The following TTC38 variants were observed in gnomAD, a reference collection of about 807,000 sequenced individuals.
TTC38 encodes the protein tetratricopeptide repeat protein 38.
Under a neutral mutation model 64.2 loss-of-function variants are expected in TTC38, and 64 were observed. The observed-to-expected ratio is 1.00, with a 90% CI of 0.81 to 1.23. The LOEUF (loss-of-function observed/expected upper bound fraction) is 1.23, where lower values mean the gene tolerates loss of function less well. Among genes scored for constraint, TTC38 ranks in the 50% most tolerant of loss-of-function variants. The pLI is 0.00. For synonymous variants in TTC38, 254 were observed against 249.3 expected, an observed-to-expected ratio of 1.02 and a Z score of -0.18; for missense variants, 573 against 615.5, an observed-to-expected ratio of 0.93 and a Z score of 0.73.
intron 1 of TTC38, 48 bp downstream of exon 1, chr22:46,268,120 T>G (rs774501552): frequency 6.6e-7 from 1 of 1,518,820 alleles, no homozygotes; most frequent in Middle Eastern, 1.9e-4. Flanking sequence ...CCCCGGGTCC[T>G]GGGGGTGGCC....
rs200525894 is a variant in TTC38 at position 46,289,839 on chromosome 22, A to G, written c.1256A>G (p.Asn419Ser). 526 of 1,614,190 alleles carry G rather than the reference A, an allele frequency of 3.3e-4. No individual in the cohort carries two copies. Among genetic ancestry groups the G allele is most frequent in the Non-Finnish European group, 3.1e-4 (371 of 1,180,026 alleles). ...TTGACATTTCAGAGAGACGTCTTCA[A>G]CCAGCTGCTGATTCACGCGGCCTTA... ...GGSNAQRDVF[N>S]QLLIHAALNC... Residue 419 changes from asparagine (N) to serine (S), a missense_variant, in exon 13 of 14, where the codon AAC (asparagine) becomes AGC (serine). Transcript: ENST00000381031.
Position 46,285,280 on chromosome 22 carries a change from G to C in TTC38, c.834+1G>C, listed in dbSNP as rs779880543. ...CGCGCTGACCATCTACGATACCCAC[G>C]TAAGTTGCATTCACACCGTGTTTGG... On this transcript the variant is annotated splice_donor_variant, in intron 9 of 13. Coordinates refer to ENST00000381031, the MANE Select transcript of TTC38 (RefSeq NM_017931.4). LOFTEE classifies it high-confidence loss of function. 6.2e-7 allele frequency: 1 copy of C among 1,614,124 alleles called. No homozygotes were observed. The highest frequency in any genetic ancestry group is 8.5e-7 in the Non-Finnish European group (1 of 1,179,956).
chr22:46,273,503 C>T lies in TTC38; in HGVS notation c.194-395C>T, dbSNP rs900909968. 2.6e-5 allele frequency among the ~76,000 whole-genome samples: 4 copies of T among 152,210 alleles called. No homozygotes were observed. Among genetic ancestry groups the T allele is most frequent in the Admixed American group, 6.5e-5 (1 of 15,290 alleles). On this transcript the variant is annotated intron_variant, in intron 3 of 13. Transcript: ENST00000381031. The surrounding 1 kb of genome is among the most constrained non-coding windows in gnomAD (Gnocchi z 5.1). The stretch of plus-strand genomic sequence containing the variant: ...AGATGGGATCATGACTTCTGTGCTC[C>T]GGGGCCTCCTTGGTCCAGCCCCTTA...
Position 46,289,540 on chromosome 22 carries a change from G to C in TTC38, c.1221G>C (p.Gln407His), listed in dbSNP as rs376502778. The part of the protein sequence containing the change: ...LLLPIRYRIV[Q>H]LGGSNAQRDV... ...TGCCCATCCGCTACCGGATCGTCCA[G>C]CTCGGTGGGAGCAATGCCCAGGTGA... Residue 407 changes from glutamine (Q) to histidine (H), a missense_variant, in exon 12 of 14, where the codon CAG becomes CAC. Around this residue, in one of 3 missense-constraint regions of TTC38, gnomAD observed 371 missense variants for 381.8 expected, o/e 0.97. Coordinates refer to ENST00000381031, the MANE Select transcript of TTC38 (RefSeq NM_017931.4). 17 of 1,596,114 alleles carry C rather than the reference G, an allele frequency of 1.1e-5. No homozygotes were observed. The highest frequency in any genetic ancestry group is 1.4e-5 in the Non-Finnish European group (17 of 1,172,768).
intron 9 of TTC38, among the ~76,000 whole-genome samples, chr22:46,286,599 T>C (rs1388555950): frequency 1.3e-5 from 2 of 150,710 alleles, no homozygotes; most frequent in Non-Finnish European, 3.0e-5. Flanking sequence ...AGGCGGAGGT[T>C]GCAGTTAGCC....
rs2077597859 is a variant in TTC38 at position 46,289,552 on chromosome 22, C to A, written c.1233C>A (p.Ser411Arg). The stretch of plus-strand genomic sequence containing the variant: ...ACCGGATCGTCCAGCTCGGTGGGAG[C>A]AATGCCCAGGTGAGCCGATGGCCGC... ...IRYRIVQLGG[S>R]NAQRDVFNQL... The change falls in exon 12 of 14, where the codon AGC becomes AGA. Residue 411 changes from serine (S) to arginine (R), a missense_variant. Physicochemically the swap from Ser to Arg is moderately radical, Grantham distance 110. Coordinates refer to ENST00000381031, the MANE Select transcript of TTC38 (RefSeq NM_017931.4). The A allele has an allele frequency of 6.3e-7, 1 of 1,587,856 alleles. No homozygotes were observed. Among genetic ancestry groups the A allele is most frequent in the African/African-American group, 1.3e-5 (1 of 74,658 alleles).
In TTC38 at chr22:46,276,802, A is replaced by G. The variant is rs926461306; in HGVS notation, c.539+1381A>G. Among the ~76,000 whole-genome samples, 3 of 140,624 alleles carry G rather than the reference A, an allele frequency of 2.1e-5. No individual in the cohort carries two copies. The highest frequency in any genetic ancestry group is 2.1e-4 in the South Asian group (1 of 4,740). 92.3% of individuals were successfully genotyped at this position (140,624 alleles called of 152,430 possible). A position where few individuals can be genotyped will look rare whatever the true frequency, so the allele number is the denominator to read the frequency against. ...TATATTAAAATATATATTAAAAATTATATATTAAAATATATATATTAAATA... is the reference window on the plus strand; with the variant it reads ...TATATTAAAATATATATTAAAAATTGTATATTAAAATATATATATTAAATA... On this transcript the variant is annotated intron_variant, in intron 5 of 13. Coordinates refer to ENST00000381031, the MANE Select transcript of TTC38 (RefSeq NM_017931.4). This position sits in a 1 kb window ranked among gnomAD's most constrained non-coding sequence, Gnocchi z 4.7.
chr22:46,289,462 G>C lies in TTC38; in HGVS notation c.1143G>C (p.Gln381His). The change falls in exon 12 of 14, where the codon CAG (glutamine) becomes CAC (histidine). Residue 381 changes from glutamine to histidine, a missense_variant. This residue lies in a region of TTC38 where 371 missense variants were observed against 381.8 expected (regional missense o/e 0.97). Transcript: ENST00000381031. ...GAGACGTGGGGCTGCCCCTGTGCCA[G>C]GCCCTGGTGGAGGCTGAGGACGGGA... ...LARDVGLPLCQALVEAEDGNP... is the reference protein window; with the variant it reads ...LARDVGLPLCHALVEAEDGNP... 1 of 1,609,708 alleles carries C rather than the reference G, an allele frequency of 6.2e-7. No individual in the cohort carries two copies. The highest frequency in any genetic ancestry group is 8.5e-7 in the Non-Finnish European group (1 of 1,179,800).
intron 8 of TTC38, 38 bp from the exon 9 acceptor site, chr22:46,285,203 T>C: frequency 6.2e-7 from 1 of 1,609,406 alleles, no homozygotes; most frequent in Non-Finnish European, 8.5e-7. Flanking sequence ...ACACTTTGCC[T>C]TCTCCAGGGT....
intron 6 of TTC38, among the ~76,000 whole-genome samples, chr22:46,278,975 G>A (rs1185737171): frequency 6.6e-6 from 1 of 152,248 alleles, no homozygotes; most frequent in African/African-American, 2.4e-5. Context: ...AGAATGGCAG[G>A]TCTGGGCTCC....
chr22:46,283,777 G>A (rs970379089), intron 7 of TTC38, among the ~76,000 whole-genome samples, 196 bp from the exon 8 acceptor site: 1 of 149,622 alleles, frequency 6.7e-6, no homozygotes, highest in Admixed American at 6.7e-5. Flanking sequence ...GCTTGAACCC[G>A]GGAGGCAGAG....
At chr22:46,290,547 G>GGTGAGA (rs567591961) in intron 13 of TTC38, among the ~76,000 whole-genome samples, 1 of 141,720 alleles carries the variant, frequency 7.1e-6, no homozygotes, top group Non-Finnish European at 1.5e-5. Flanking sequence ...GTGGCTGGAG[G>GGTGAGA]GTGTTAGGAG....
Position 46,288,699 on chromosome 22 carries a change from CA to C in TTC38, c.1082+112del, listed in dbSNP as rs1306664839. On this transcript the variant is annotated intron_variant, in intron 11 of 13. Coordinates refer to ENST00000381031, the MANE Select transcript of TTC38 (RefSeq NM_017931.4). ...GTGCCTGCCCCGCCTGTGAGTGCAGCAGGGGGGATGCCCATGGAGGCAGCTC... is the reference window on the plus strand; with the variant it reads ...GTGCCTGCCCCGCCTGTGAGTGCAGCGGGGGGATGCCCATGGAGGCAGCTC... 1.7e-5 allele frequency: 19 copies of C among 1,129,428 alleles called. No homozygotes were observed. In the Admixed American group the frequency reaches 2.9e-4, roughly 17 times the overall value. 70.0% of individuals were successfully genotyped at this position (1,129,428 alleles called of 1,614,324 possible). A position where few individuals can be genotyped will look rare whatever the true frequency, so the allele number is the denominator to read the frequency against.
Position 46,276,842 on chromosome 22 carries a change from AAC to A in TTC38, c.539+1423_539+1424del, listed in dbSNP as rs1303881524. 5.8e-4 allele frequency among the ~76,000 whole-genome samples: 77 copies of A among 132,834 alleles called. No homozygotes were observed. The highest frequency in any genetic ancestry group is 2.4e-3 in the African/African-American group (73 of 29,974). The allele number at this position is 132,834 out of a possible 152,430, so 87.1% of individuals were successfully genotyped here. A position where few individuals can be genotyped will look rare whatever the true frequency, so the allele number is the denominator to read the frequency against. ...TATATTAAATATATATATATATATAAACATATATATATATAAAAAATACTTTC... is the reference window on the plus strand; with the variant it reads ...TATATTAAATATATATATATATATAAATATATATATATAAAAAATACTTTC... On this transcript the variant is annotated intron_variant, in intron 5 of 13. Coordinates refer to ENST00000381031, the MANE Select transcript of TTC38 (RefSeq NM_017931.4). The surrounding 1 kb of genome is among the most constrained non-coding windows in gnomAD (Gnocchi z 4.7).
intron 8 of TTC38, among the ~76,000 whole-genome samples, chr22:46,284,868 CAAAAAAAAAA>C (rs130641): frequency 3.6e-4 from 27 of 75,326 alleles, no homozygotes; most frequent in Admixed American, 3.5e-4. Context: ...GACCCCATCT[CAAAAAAAAAA>C]AAAAAAAAAA....
rs1362336759 is a variant in TTC38, at chr22:46,272,705, G to A, written c.193+289G>A. The stretch of plus-strand genomic sequence containing the variant: ...CTCATTTCTCAGATGAGGAAACTGA[G>A]GGTTGGCAAGAGTAAGACTGTACTT... On this transcript the variant is annotated intron_variant, in intron 3 of 13. Transcript: ENST00000381031. The surrounding 1 kb of genome is among the most constrained non-coding windows in gnomAD (Gnocchi z 6.4). 6.6e-6 allele frequency among the ~76,000 whole-genome samples: 1 copy of A among 152,216 alleles called. No individual in the cohort carries two copies. Among genetic ancestry groups the A allele is most frequent in the Non-Finnish European group, 1.5e-5 (1 of 68,040 alleles).
At position 46,274,550 on chromosome 22, in the gene TTC38, A is replaced by G. The variant is rs1435551537; in HGVS notation, c.365+481A>G. 6.6e-6 allele frequency among the ~76,000 whole-genome samples: 1 copy of G among 152,124 alleles called. No individual in the cohort carries two copies. The highest frequency in any genetic ancestry group is 6.5e-5 in the Admixed American group (1 of 15,276). ...CCCCATGTCTGCTCAGGCAGGCGAG[A>G]TGCCCTGCAGAGTTAGGCGACCCTA... On this transcript the variant is annotated intron_variant, in intron 4 of 13. Transcript: ENST00000381031. This position sits in a 1 kb window ranked among gnomAD's most constrained non-coding sequence, Gnocchi z 4.8.
In TTC38 at chr22:46,275,194, T is replaced by C. The variant is rs111544134; in HGVS notation, c.366-54T>C. The C allele has an allele frequency of 4.8e-5, 73 of 1,535,302 alleles. No homozygotes were observed. The African/African-American group carries it at 7.4e-4, about 16-fold the overall frequency. ...GAGAAACAATGCCTCTTACACTCCCTGTGTGGGTGGACTATGTGTTCAGCG... is the reference window on the plus strand; with the variant it reads ...GAGAAACAATGCCTCTTACACTCCCCGTGTGGGTGGACTATGTGTTCAGCG... On this transcript the variant is annotated intron_variant, in intron 4 of 13. Transcript: ENST00000381031. The surrounding 1 kb of genome is among the most constrained non-coding windows in gnomAD (Gnocchi z 4.5).
intron 5 of TTC38, among the ~76,000 whole-genome samples, chr22:46,278,315 A>G (rs6008468): frequency 0.15 from 23,533 of 152,090 alleles, 4,420 homozygotes; most frequent in African/African-American, 0.45. Flanking sequence ...TCGCAGCTGT[A>G]TCACTCTGCC....
Sources: gnomAD v4.1 joint callset for allele counts (sites outside exome capture counted in the v4.1 genomes callset) on GRCh38, gnomAD v4.1.1 for gene constraint, gnomAD v4.1.1 regional missense constraint, Gnocchi (gnomAD v3.1) non-coding constraint, MANE v1.5 for transcripts, NCBI Gene and HGNC (gene_info 2026-07-23, HGNC 2026-07-21) for gene names.